The following MYO5B variants were observed in gnomAD, a reference collection of about 807,000 sequenced individuals.
MYO5B encodes unconventional myosin-Vb.
In MYO5B, 143 loss-of-function variants were observed where a neutral mutation model predicts 229.3. The ratio of observed to expected loss-of-function variants is 0.62; its 90% confidence interval spans 0.54 to 0.72. The LOEUF is 0.72. Ranked by LOEUF, MYO5B falls within the 30% of genes least tolerant of loss-of-function variation. The pLI is 0.00. For synonymous variants in MYO5B, 918 were observed against 885.2 expected, an observed-to-expected ratio of 1.04 and a Z score of -0.66; for missense variants, 2,321 against 2,331.0, an observed-to-expected ratio of 1.00 and a Z score of 0.09.
chr18:50,113,227 G>C, intron 1 of MYO5B, among the ~76,000 whole-genome samples: 1 of 152,212 alleles, frequency 6.6e-6, no homozygotes, highest in African/African-American at 2.4e-5. Context: ...ATAAAACAGT[G>C]AACAAAAAAG....
At chr18:49,837,842 C>T (rs750276531) in intron 36 of MYO5B, 40 bp from the exon 37 acceptor site, 2 of 1,608,850 alleles carry the variant, frequency 1.2e-6, no homozygotes, top group Admixed American at 1.7e-5. Context: ...GCATTCCCCA[C>T]TAACAATGCA....
intron 21 of MYO5B, among the ~76,000 whole-genome samples, chr18:49,896,139 G>A (rs143179275): frequency 3.9e-5 from 6 of 152,302 alleles, no homozygotes; most frequent in Admixed American, 3.9e-4. Context: ...AGAAAACAGT[G>A]AAGAGCAGCA....
intron 2 of MYO5B, among the ~76,000 whole-genome samples, chr18:50,054,226 C>A (rs1267208666): frequency 1.3e-5 from 2 of 152,158 alleles, no homozygotes; most frequent in African/African-American, 4.8e-5. Context: ...TTCCCAAAAC[C>A]CCCTCTCCTC....
chr18:49,868,926 C>T, intron 27 of MYO5B, among the ~76,000 whole-genome samples: 1 of 152,190 alleles, frequency 6.6e-6, no homozygotes, highest in South Asian at 2.1e-4. Flanking sequence ...CCAGAAGGAT[C>T]AGCAGAAATT....
chr18:50,169,989 G>A lies in MYO5B; in HGVS notation c.27+24778C>T, dbSNP rs1166678397. ...GAATAAAATAAACTCTTTGATTGTC[G>A]ATGTCATGGTAGTAGGGTTTTCTGT... On this transcript the variant is annotated intron_variant, in intron 1 of 39. Coordinates refer to ENST00000285039, the MANE Select transcript of MYO5B (RefSeq NM_001080467.3). Among the ~76,000 whole-genome samples, 2 of 127,304 alleles carry A rather than the reference G, an allele frequency of 1.6e-5. 1 individual carries two copies. Among genetic ancestry groups the A allele is most frequent in the Non-Finnish European group, 3.3e-5 (2 of 59,776 alleles). The allele number at this position is 127,304 out of a possible 152,430, so 83.5% of individuals were successfully genotyped here. A position where few individuals can be genotyped will look rare whatever the true frequency, so the allele number is the denominator to read the frequency against.
chr18:49,869,688 G>A (rs941073296), intron 27 of MYO5B, among the ~76,000 whole-genome samples: 4 of 152,142 alleles, frequency 2.6e-5, no homozygotes, highest in African/African-American at 4.8e-5. Flanking sequence ...GCAGGAGTCC[G>A]GGAGGCAGTT....
At chr18:50,009,239 G>A (rs1238461513) in intron 4 of MYO5B, among the ~76,000 whole-genome samples, 1 of 152,110 alleles carries the variant, frequency 6.6e-6, no homozygotes, top group African/African-American at 2.4e-5. Flanking sequence ...TTAGCTGGGT[G>A]TGGTGGTGGG....
chr18:49,909,088 C>T (rs917744531), intron 18 of MYO5B, among the ~76,000 whole-genome samples: 12 of 152,220 alleles, frequency 7.9e-5, no homozygotes, highest in African/African-American at 2.9e-4. Context: ...TGTTCTAAAA[C>T]GTACTTAGAA....
chr18:50,008,739 G>T (rs368635074), intron 4 of MYO5B, among the ~76,000 whole-genome samples: 3 of 152,120 alleles, frequency 2.0e-5, no homozygotes, highest in Non-Finnish European at 4.4e-5. Context: ...TCTCCAAACC[G>T]GTCATGAAGC....
At chr18:49,935,373 A>G (rs1326148345) in intron 16 of MYO5B, among the ~76,000 whole-genome samples, 1 of 152,254 alleles carries the variant, frequency 6.6e-6, no homozygotes, top group East Asian at 1.9e-4. Context: ...CCCACACTGG[A>G]TAAGGCAGAT....
chr18:49,831,079 C>T (rs1447689532), intron 39 of MYO5B, among the ~76,000 whole-genome samples: 3 of 151,994 alleles, frequency 2.0e-5, no homozygotes, highest in Non-Finnish European at 4.4e-5. Context: ...GGTGCTGAGA[C>T]AACTGGATAT....
chr18:49,967,327 C>T (rs2025637005), intron 10 of MYO5B, among the ~76,000 whole-genome samples: 1 of 152,216 alleles, frequency 6.6e-6, no homozygotes, highest in Non-Finnish European at 1.5e-5. Flanking sequence ...GTCAATTAGT[C>T]ACTAAGTTAA....
intron 1 of MYO5B, among the ~76,000 whole-genome samples, chr18:50,170,245 A>G (rs1414261995): frequency 1.6e-5 from 2 of 127,430 alleles, no homozygotes; most frequent in Non-Finnish European, 3.3e-5. Flanking sequence ...CAGGGCCTCC[A>G]GGATCTCTGT....
chr18:50,182,912 C>T (rs2033093205), intron 1 of MYO5B, among the ~76,000 whole-genome samples: 1 of 152,042 alleles, frequency 6.6e-6, no homozygotes, highest in Non-Finnish European at 1.5e-5. Context: ...CATGCAAAAC[C>T]CCACCCTGGG....
chr18:49,879,126 A>G (rs1306035414), intron 23 of MYO5B, 36 bp from the exon 24 acceptor site: 2 of 1,613,864 alleles, frequency 1.2e-6, no homozygotes, highest in Non-Finnish European at 1.7e-6. Flanking sequence ...GTTTTTCTGG[A>G]TGGATTCCCT....
At chr18:50,115,123 C>G (rs943746572) in intron 1 of MYO5B, among the ~76,000 whole-genome samples, 4 of 152,224 alleles carry the variant, frequency 2.6e-5, no homozygotes, top group African/African-American at 9.6e-5. Flanking sequence ...GTGCCTTCCT[C>G]CTCTCTGCTC....
In MYO5B at chr18:49,839,292, G is replaced by A; in HGVS notation, c.4704C>T (p.Gly1568=). 6.2e-7 allele frequency: 1 copy of A among 1,613,640 alleles called. No homozygotes were observed. The highest frequency in any genetic ancestry group is 8.5e-7 in the Non-Finnish European group (1 of 1,180,024). Residue 1568 remains glycine, a splice_region_variant and synonymous_variant, in exon 36 of 40, where the codon GGC becomes GGT. Coordinates refer to ENST00000285039, the MANE Select transcript of MYO5B (RefSeq NM_001080467.3). ...GCTTTGCAGTGTTCTGAGTCATGAAGCCCTGCAGAGGGAGAGGCGTGCACT... is the reference window on the plus strand; with the variant it reads ...GCTTTGCAGTGTTCTGAGTCATGAAACCCTGCAGAGGGAGAGGCGTGCACT... The part of the protein sequence containing the change: ...HCLKQYSGDE[G]FMTQNTAKQN...
At chr18:50,126,737 A>G (rs111307129) in intron 1 of MYO5B, among the ~76,000 whole-genome samples, 3,881 of 152,256 alleles carry the variant, frequency 0.025, 163 homozygotes, top group African/African-American at 0.089. Context: ...CAAGCCTCCA[A>G]TGCATTTTCA....
chr18:49,944,014 C>T (rs1212349792), intron 14 of MYO5B, among the ~76,000 whole-genome samples: 1 of 152,040 alleles, frequency 6.6e-6, no homozygotes, highest in Non-Finnish European at 1.5e-5. Flanking sequence ...GGTCAACGTA[C>T]AATGTACACA....
Sources: gnomAD v4.1 joint callset for allele counts (sites outside exome capture counted in the v4.1 genomes callset) on GRCh38, gnomAD v4.1.1 for gene constraint, MANE v1.5 for transcripts, NCBI Gene and HGNC (gene_info 2026-07-23, HGNC 2026-07-21) for gene names.